KALRN: variants seen among roughly 807,000 people sequenced by gnomAD.
KALRN encodes the protein kalirin.
KALRN carries 70 observed loss-of-function variants against 353.7 expected under a neutral mutation model. The observed-to-expected ratio is 0.20, with a 90% CI of 0.16 to 0.24. KALRN has a LOEUF of 0.24. Ranked by LOEUF, KALRN falls within the 10% of genes least tolerant of loss-of-function variation. The pLI, the probability that KALRN is intolerant of heterozygous loss-of-function variation, is 1.00. For missense variants in KALRN, 2,791 were observed against 3,756.7 expected, an observed-to-expected ratio of 0.74 and a Z score of 6.72; for synonymous variants, 1,391 against 1,434.8, an observed-to-expected ratio of 0.97 and a Z score of 0.69.
intron 51 of KALRN, among the ~76,000 whole-genome samples, chr3:124,692,652 C>T (rs2061871537): frequency 6.6e-6 from 1 of 152,184 alleles, no homozygotes; most frequent in Non-Finnish European, 1.5e-5. Context: ...ATGAGATCAT[C>T]TTTATTTAAA....
At chr3:124,651,819 G>A (rs1345924474) in intron 38 of KALRN, among the ~76,000 whole-genome samples, 1 of 151,734 alleles carries the variant, frequency 6.6e-6, no homozygotes, top group African/African-American at 2.4e-5. Context: ...TTTATTTTTT[G>A]TAGAGATGGA....
chr3:124,471,749 G>C (rs1322335759), intron 25 of KALRN, among the ~76,000 whole-genome samples: 1 of 151,872 alleles, frequency 6.6e-6, no homozygotes, highest in African/African-American at 2.4e-5. Context: ...GGATCACGAG[G>C]TCAGGAGATC....
chr3:124,389,829 T>C (rs952555111), intron 11 of KALRN, among the ~76,000 whole-genome samples: 12 of 152,344 alleles, frequency 7.9e-5, no homozygotes, highest in African/African-American at 2.4e-4. Context: ...GGAGATTTAA[T>C]TTTTTGGCTT....
intron 14 of KALRN, among the ~76,000 whole-genome samples, chr3:124,414,703 T>C (rs2092397260): frequency 6.6e-6 from 1 of 152,174 alleles, no homozygotes; most frequent in Non-Finnish European, 1.5e-5. Context: ...GTCACATGGC[T>C]GGTCACATCT....
At chr3:124,073,197 T>A (rs1321525519) in intron 1 of KALRN, among the ~76,000 whole-genome samples, 1 of 152,196 alleles carries the variant, frequency 6.6e-6, no homozygotes, top group African/African-American at 2.4e-5. Context: ...ATACGAATCT[T>A]CACCCAGTGA....
At chr3:124,506,558 G>A (rs528092041) in intron 33 of KALRN, among the ~76,000 whole-genome samples, 11 of 152,270 alleles carry the variant, frequency 7.2e-5, no homozygotes, top group African/African-American at 2.6e-4. Flanking sequence ...GATGCTTTCT[G>A]CATGACCGCT....
At chr3:124,134,059 G>C (rs1203183060) in intron 1 of KALRN, among the ~76,000 whole-genome samples, 1 of 152,086 alleles carries the variant, frequency 6.6e-6, no homozygotes, top group Non-Finnish European at 1.5e-5. Flanking sequence ...CAAAAAGAGA[G>C]CCCATGGAGC....
chr3:124,697,467 G>T, intron 54 of KALRN, 126 bp from the exon 55 acceptor site: 2 of 875,476 alleles, frequency 2.3e-6, no homozygotes, highest in East Asian at 2.8e-5. Flanking sequence ...TATGCCACTT[G>T]GTGGAGAAGG....
intron 34 of KALRN, among the ~76,000 whole-genome samples, chr3:124,573,083 C>T (rs890211753): frequency 1.3e-5 from 2 of 152,068 alleles, no homozygotes; most frequent in African/African-American, 4.8e-5. Flanking sequence ...ATCCTGGTCA[C>T]TGGCTAGATG....
chr3:124,299,195 G>A (rs186209746), intron 6 of KALRN, among the ~76,000 whole-genome samples: 1 of 152,196 alleles, frequency 6.6e-6, no homozygotes, highest in Admixed American at 6.5e-5. Flanking sequence ...AGTTCCACCA[G>A]TTCCACTTCA....
intron 47 of KALRN, among the ~76,000 whole-genome samples, chr3:124,669,977 TTTC>T (rs1439788331): frequency 4.0e-5 from 6 of 149,304 alleles, no homozygotes; most frequent in African/African-American, 1.3e-4. Context: ...TTTTTTTTTT[TTTC>T]TTTTTTTGAG....
At chr3:124,046,605 C>T (rs1187860583) in intron 1 of KALRN, among the ~76,000 whole-genome samples, 6 of 152,106 alleles carry the variant, frequency 3.9e-5, no homozygotes, top group Non-Finnish European at 8.8e-5. Flanking sequence ...CTTGCTCAGC[C>T]CTGGAGACTC....
In KALRN at chr3:124,146,092, A is replaced by T. The variant is rs541380712; in HGVS notation, c.74-81898A>T. Among the ~76,000 whole-genome samples the T allele has an allele frequency of 2.0e-5, 3 of 152,318 alleles. No individual in the cohort carries two copies. The East Asian group carries it at 5.8e-4, about 29-fold the overall frequency. Reference sequence around the variant, plus strand: ...GACCCTGGCACTCAGAGAGCATACAATCCTCCTTGGCAATTAAAACCAATA... The same window carrying T: ...GACCCTGGCACTCAGAGAGCATACATTCCTCCTTGGCAATTAAAACCAATA... On this transcript the variant is annotated intron_variant, in intron 1 of 59. Coordinates refer to ENST00000682506, the MANE Select transcript of KALRN (RefSeq NM_001388419.1).
chr3:124,234,768 C>T, intron 2 of KALRN, 61 bp from the exon 3 acceptor site: 1 of 1,306,418 alleles, frequency 7.7e-7, no homozygotes, highest in African/African-American at 1.5e-5. Flanking sequence ...TTTCTTTTTC[C>T]TCTGTGGCTT....
Position 124,488,187 on chromosome 3 carries a change from G to C in KALRN, c.4285-17G>C, listed in dbSNP as rs1261929673. ...GGGGAGATGGCCCTAATTATGTCCG[G>C]ACTTTTTTTTCCCCAGGAACTTTTA... On this transcript the variant is annotated splice_polypyrimidine_tract_variant and intron_variant, in intron 28 of 59. Transcript: ENST00000682506. 6.4e-7 allele frequency: 1 copy of C among 1,568,502 alleles called. No homozygotes were observed. Among genetic ancestry groups the C allele is most frequent in the Non-Finnish European group, 8.8e-7 (1 of 1,139,340 alleles).
intron 14 of KALRN, among the ~76,000 whole-genome samples, chr3:124,413,983 A>G (rs752341831): frequency 7.2e-5 from 11 of 152,034 alleles, no homozygotes; most frequent in Non-Finnish European, 1.5e-4. Flanking sequence ...GCAGATGCCT[A>G]TAATCCCAGC....
chr3:124,136,491 C>A (rs144079004), intron 1 of KALRN, among the ~76,000 whole-genome samples: 8 of 151,746 alleles, frequency 5.3e-5, no homozygotes, highest in African/African-American at 1.9e-4. Context: ...TGCCAAGGTC[C>A]CCCCCCCATT....
At chr3:124,213,812 G>A (rs1343716964) in intron 1 of KALRN, among the ~76,000 whole-genome samples, 1 of 152,124 alleles carries the variant, frequency 6.6e-6, no homozygotes, top group East Asian at 1.9e-4. Context: ...AATTTCATCT[G>A]TGATGAGTGG....
At chr3:124,353,731 A>G (rs2083082335) in intron 10 of KALRN, among the ~76,000 whole-genome samples, 1 of 151,736 alleles carries the variant, frequency 6.6e-6, no homozygotes, top group Admixed American at 6.6e-5. Context: ...TAGCTTCTTA[A>G]CAAGGATGAA....
Sources: gnomAD v4.1 joint callset for allele counts (sites outside exome capture counted in the v4.1 genomes callset) on GRCh38, gnomAD v4.1.1 for gene constraint, MANE v1.5 for transcripts, NCBI Gene and HGNC (gene_info 2026-07-23, HGNC 2026-07-21) for gene names.